Variants in COL23A1 observed in about 807,000 individuals in gnomAD.
COL23A1 encodes the protein collagen type XXIII alpha 1 chain.
In COL23A1, 97 loss-of-function variants were observed where a neutral mutation model predicts 99.3. That is an observed-to-expected ratio of 0.98 (90% CI 0.83 to 1.16). COL23A1 has a LOEUF of 1.16. Ranked by LOEUF, COL23A1 falls within the 50% of genes most tolerant of loss-of-function variation. The probability of loss-of-function intolerance (pLI) is 0.00; values close to 1 mark genes in which losing one functional copy is unlikely to be tolerated. For synonymous variants in COL23A1, 320 were observed against 308.2 expected, an observed-to-expected ratio of 1.04 and a Z score of -0.40; for missense variants, 762 against 757.4, an observed-to-expected ratio of 1.01 and a Z score of -0.07.
chr5:178,500,067 A>C (rs1345941142), intron 2 of COL23A1, among the ~76,000 whole-genome samples: 2 of 152,064 alleles, frequency 1.3e-5, no homozygotes, highest in Non-Finnish European at 2.9e-5. Flanking sequence ...GAGGGTGGGG[A>C]GGTACAGGGA....
intron 2 of COL23A1, among the ~76,000 whole-genome samples, chr5:178,473,486 G>C (rs1320151183): frequency 1.4e-5 from 1 of 74,002 alleles, no homozygotes; most frequent in Non-Finnish European, 2.8e-5. Flanking sequence ...TTTTTTTTTG[G>C]TATTTTTTGT....
intron 2 of COL23A1, among the ~76,000 whole-genome samples, chr5:178,524,468 C>A (rs1454710832): frequency 2.6e-5 from 4 of 152,208 alleles, no homozygotes; most frequent in African/African-American, 2.4e-5. Context: ...GGGGTAGGGG[C>A]TTTACCCAAA....
At chr5:178,485,402 G>A (rs1389903444) in intron 2 of COL23A1, among the ~76,000 whole-genome samples, 1 of 151,952 alleles carries the variant, frequency 6.6e-6, no homozygotes, top group Non-Finnish European at 1.5e-5. Context: ...TTGAGCCCAG[G>A]AGGTTGAGGC....
At chr5:178,492,690 C>T (rs962134671) in intron 2 of COL23A1, among the ~76,000 whole-genome samples, 4 of 151,280 alleles carry the variant, frequency 2.6e-5, no homozygotes, top group African/African-American at 7.3e-5. Flanking sequence ...TATGACTCCA[C>T]GTACACGAAA....
chr5:178,325,056 G>C (rs1032377775), intron 2 of COL23A1, among the ~76,000 whole-genome samples: 1 of 152,204 alleles, frequency 6.6e-6, no homozygotes, highest in Non-Finnish European at 1.5e-5. Flanking sequence ...GTGCACTGCA[G>C]CCCCAAGAGG....
rs998138484 is a variant in COL23A1, at chr5:178,366,680, C to T, written c.362-59761G>A. ...CCCTAGAACCAAAACAGCATCCTGC[C>T]GCTGCCACGGTGGTGCAGCCACACT... is the stretch of plus-strand genomic sequence containing the variant. On this transcript the variant is annotated intron_variant, in intron 2 of 28. Coordinates refer to ENST00000390654, the MANE Select transcript of COL23A1 (RefSeq NM_173465.4). The surrounding 1 kb of genome is among the most constrained non-coding windows in gnomAD (Gnocchi z 4.4). 3.9e-5 allele frequency among the ~76,000 whole-genome samples: 6 copies of T among 152,230 alleles called. No homozygotes were observed. Among genetic ancestry groups the T allele is most frequent in the Non-Finnish European group, 8.8e-5 (6 of 68,046 alleles).
At chr5:178,553,345 C>T (rs1477197427) in intron 2 of COL23A1, among the ~76,000 whole-genome samples, 2 of 152,202 alleles carry the variant, frequency 1.3e-5, no homozygotes, top group African/African-American at 2.4e-5. Context: ...TTCTGTATAA[C>T]TTCCACATTG....
chr5:178,436,558 C>T (rs931005235), intron 2 of COL23A1, among the ~76,000 whole-genome samples: 6 of 152,200 alleles, frequency 3.9e-5, no homozygotes, highest in Admixed American at 3.3e-4. Flanking sequence ...CAAAATGTGC[C>T]ATTGTCAAGG....
intron 2 of COL23A1, among the ~76,000 whole-genome samples, chr5:178,550,151 T>C (rs1017601430): frequency 4.7e-4 from 71 of 152,352 alleles, no homozygotes; most frequent in African/African-American, 1.4e-3. Context: ...CAAGTTGTTT[T>C]ATCTGTGAGA....
chr5:178,533,958 A>T (rs993715297), intron 2 of COL23A1, among the ~76,000 whole-genome samples: 1 of 152,168 alleles, frequency 6.6e-6, no homozygotes, highest in African/African-American at 2.4e-5. Context: ...CCCACACTGG[A>T]GTTTGGTCCA....
intron 2 of COL23A1, among the ~76,000 whole-genome samples, chr5:178,388,687 G>C (rs1029851497): frequency 1.3e-5 from 2 of 152,108 alleles, no homozygotes; most frequent in Non-Finnish European, 2.9e-5. Context: ...CAGTGACCAG[G>C]CCACCGAGTG....
Position 178,387,663 on chromosome 5 carries a change from T to C in COL23A1, c.362-80744A>G, listed in dbSNP as rs1160277968. On this transcript the variant is annotated intron_variant, in intron 2 of 28. Transcript: ENST00000390654. The surrounding 1 kb of genome is among the most constrained non-coding windows in gnomAD (Gnocchi z 4.7). Reference sequence around the variant, plus strand: ...ATTTACCTTTTATCCCCAGTACGAATACAAAGATAAGGTCAAAGAACACAC... The same window carrying C: ...ATTTACCTTTTATCCCCAGTACGAACACAAAGATAAGGTCAAAGAACACAC... Among the ~76,000 whole-genome samples the C allele has an allele frequency of 1.3e-5, 2 of 152,164 alleles. No individual in the cohort carries two copies. Among genetic ancestry groups the C allele is most frequent in the Admixed American group, 6.5e-5 (1 of 15,276 alleles).
chr5:178,561,101 G>A (rs1454267786), intron 1 of COL23A1, among the ~76,000 whole-genome samples: 3 of 152,186 alleles, frequency 2.0e-5, no homozygotes, highest in Non-Finnish European at 4.4e-5. Flanking sequence ...GGGGCTGAGG[G>A]AGGCCTGGAG....
intron 2 of COL23A1, among the ~76,000 whole-genome samples, chr5:178,494,241 T>C (rs1758079466): frequency 1.3e-5 from 2 of 152,132 alleles, no homozygotes; most frequent in African/African-American, 4.8e-5. Flanking sequence ...GACAAGGACA[T>C]GTGAGATTTT....
chr5:178,259,660 G>A (rs1438399472), intron 12 of COL23A1, 61 bp downstream of exon 12: 3 of 1,473,110 alleles, frequency 2.0e-6, no homozygotes, highest in African/African-American at 1.4e-5. Context: ...CCCAGCCCCT[G>A]CCCTTCTCTC....
chr5:178,444,481 ACAGTGCACTT>A, intron 2 of COL23A1, among the ~76,000 whole-genome samples: 1 of 152,256 alleles, frequency 6.6e-6, no homozygotes, highest in South Asian at 2.1e-4. Flanking sequence ...AGATGGTGAG[ACAGTGCACTT>A]TAGTGGCAAA....
chr5:178,560,767 A>AG lies in COL23A1; in HGVS notation c.295-20_295-19insC. 6.3e-7 allele frequency: 1 copy of AG among 1,598,398 alleles called. No individual in the cohort carries two copies. The highest frequency in any genetic ancestry group is 8.5e-7 in the Non-Finnish European group (1 of 1,173,632). On this transcript the variant is annotated intron_variant, in intron 1 of 28. Transcript: ENST00000390654. ...CCAACTTCTGAGCCGGAAAAAAAAA[A>AG]AGAAAAAAAACGAGGAGAGAATGAG...
Position 178,328,265 on chromosome 5 carries a change from C to T in COL23A1, c.362-21346G>A, listed in dbSNP as rs187721643. Among the ~76,000 whole-genome samples, 639 of 152,320 alleles carry T rather than the reference C, an allele frequency of 4.2e-3. 4 individuals are homozygous for T. Among genetic ancestry groups the T allele is most frequent in the African/African-American group, 0.015 (606 of 41,560 alleles). On this transcript the variant is annotated intron_variant, in intron 2 of 28. Transcript: ENST00000390654. ...CTCATCCCCCCTGTCCCTGTCCACA[C>T]GCCCCACTGCGTTTTCACCTCTGGG...
chr5:178,370,783 C>CAAAT (rs1317423745), intron 2 of COL23A1, among the ~76,000 whole-genome samples: 21 of 152,078 alleles, frequency 1.4e-4, no homozygotes, highest in African/African-American at 4.8e-4. Flanking sequence ...AATAAATAAA[C>CAAAT]AAATAAATAT....
Sources: gnomAD v4.1 joint callset for allele counts (sites outside exome capture counted in the v4.1 genomes callset) on GRCh38, gnomAD v4.1.1 for gene constraint, Gnocchi (gnomAD v3.1) non-coding constraint, MANE v1.5 for transcripts, NCBI Gene and HGNC (gene_info 2026-07-23, HGNC 2026-07-21) for gene names.